Variants in GPHN observed in about 807,000 individuals in gnomAD.
The protein encoded by GPHN is gephyrin.
A neutral mutation model predicts 95.5 loss-of-function variants in GPHN; 17 were observed. The ratio of observed to expected loss-of-function variants is 0.18; its 90% confidence interval spans 0.12 to 0.27. The LOEUF (loss-of-function observed/expected upper bound fraction) is 0.27. Among genes scored for constraint, GPHN ranks in the 10% least tolerant of loss-of-function variants. The pLI is 1.00. For synonymous variants in GPHN, 320 were observed against 322.5 expected (o/e 0.99, Z 0.08); for missense variants, 660 against 978.1 (o/e 0.67, Z 4.34).
intron 3 of GPHN, among the ~76,000 whole-genome samples, chr14:66,800,401 G>T (rs1251524497): frequency 1.3e-5 from 2 of 152,000 alleles, no homozygotes; most frequent in Non-Finnish European, 2.9e-5. Flanking sequence ...AAATCCCTCA[G>T]CTTTTGTTGG....
the GPHN span, chr14:67,412,093 C>A: frequency 2.7e-6 from 4 of 1,489,366 alleles, no homozygotes; most frequent in Non-Finnish European, 3.6e-6. Flanking sequence ...ACCCCAGGTG[C>A]GCCTTCCCCG....
intron 1 of GPHN, among the ~76,000 whole-genome samples, chr14:66,558,130 C>G (rs566743157): frequency 4.7e-4 from 72 of 152,102 alleles, no homozygotes; most frequent in African/African-American, 1.7e-3. Context: ...TAAAACAAAA[C>G]TCCTAAATCA....
the GPHN span, among the ~76,000 whole-genome samples, chr14:67,625,943 T>C: frequency 1.3e-5 from 2 of 152,064 alleles, no homozygotes; most frequent in Non-Finnish European, 2.9e-5. Flanking sequence ...ACATTAGTCA[T>C]TACGGAAATG....
intron 4 of GPHN, among the ~76,000 whole-genome samples, chr14:66,874,146 G>A (rs1223993557): frequency 6.6e-6 from 1 of 152,212 alleles, no homozygotes; most frequent in East Asian, 1.9e-4. Flanking sequence ...AACTCCAGCA[G>A]ACCTGCAGCA....
intron 4 of GPHN, among the ~76,000 whole-genome samples, chr14:66,878,505 T>G (rs1048229183): frequency 6.6e-6 from 1 of 151,896 alleles, no homozygotes; most frequent in Non-Finnish European, 1.5e-5. Flanking sequence ...ATAAAGAACT[T>G]AAACAAATTT....
intron 4 of GPHN, among the ~76,000 whole-genome samples, chr14:66,849,321 T>C (rs1167450258): frequency 1.3e-5 from 2 of 152,020 alleles, no homozygotes; most frequent in East Asian, 3.8e-4. Context: ...ATTAAACATT[T>C]AGGTTCTTTC....
the GPHN span, chr14:67,590,100 C>A: frequency 6.4e-7 from 1 of 1,550,958 alleles, no homozygotes; most frequent in South Asian, 1.2e-5. Context: ...GTTGATGTGG[C>A]TTTCTGGTGT....
At chr14:67,292,483 T>G in the GPHN span, 5 of 1,470,794 alleles carry the variant, frequency 3.4e-6, no homozygotes, top group Non-Finnish European at 4.7e-6. Context: ...AACAGTTAAT[T>G]TTTGGATACC....
At chr14:67,260,365 T>C in the GPHN span, among the ~76,000 whole-genome samples, 3 of 152,328 alleles carry the variant, frequency 2.0e-5, no homozygotes, top group South Asian at 2.1e-4. Context: ...TAAGTGGTTC[T>C]TTGGTCAAAA....
At chr14:66,587,069 C>T (rs1398564159) in intron 1 of GPHN, among the ~76,000 whole-genome samples, 6 of 151,894 alleles carry the variant, frequency 4.0e-5, no homozygotes, top group African/African-American at 1.5e-4. Flanking sequence ...ACAGGAGATA[C>T]CACAGAAATA....
At chr14:66,578,722 A>G (rs1037405641) in intron 1 of GPHN, among the ~76,000 whole-genome samples, 79 of 151,112 alleles carry the variant, frequency 5.2e-4, no homozygotes, top group African/African-American at 1.9e-3. Flanking sequence ...AACACCAGGA[A>G]CCATAAAGTT....
chr14:66,745,289 G>C (rs970722775), intron 2 of GPHN, among the ~76,000 whole-genome samples: 1 of 151,874 alleles, frequency 6.6e-6, no homozygotes, highest in Non-Finnish European at 1.5e-5. Context: ...TTATATCTCT[G>C]TCTTGCCTTC....
rs112500777 is a variant in GPHN at position 66,720,371 on chromosome 14, C to T, written c.143+39186C>T. Among the ~76,000 whole-genome samples, 1,400 of 152,236 alleles carry T rather than the reference C, an allele frequency of 9.2e-3. 23 individuals carry two copies. Among genetic ancestry groups the T allele is most frequent in the African/African-American group, 0.024 (1,004 of 41,532 alleles). On this transcript the variant is annotated intron_variant, in intron 2 of 22. Transcript: ENST00000478722. The stretch of plus-strand genomic sequence containing the variant: ...GAGTTCGAGACCAGCCTGGCCAACA[C>T]GGCGAAACCCCGTCTCTACTGAAAA...
chr14:67,458,924 G>C, the GPHN span, among the ~76,000 whole-genome samples: 4 of 152,124 alleles, frequency 2.6e-5, no homozygotes, highest in Admixed American at 1.3e-4. Flanking sequence ...TCTTGCTCTT[G>C]TCGCCCAGGG....
the GPHN span, chr14:67,338,781 G>A: frequency 1.3e-6 from 2 of 1,596,462 alleles, no homozygotes; most frequent in African/African-American, 1.4e-5. Context: ...TACAGGTGGG[G>A]GTGGATTTTT....
the GPHN span, among the ~76,000 whole-genome samples, chr14:67,671,598 G>C: frequency 2.0e-5 from 3 of 152,186 alleles, no homozygotes; most frequent in African/African-American, 7.2e-5. Context: ...GCAGGATGGA[G>C]AAAAAGGCTG....
chr14:66,907,022 T>G (rs536072895), intron 5 of GPHN, among the ~76,000 whole-genome samples: 1 of 152,300 alleles, frequency 6.6e-6, no homozygotes, highest in South Asian at 2.1e-4. Context: ...GTCTAGTCAT[T>G]CTATCATATA....
chr14:67,563,408 T>C, the GPHN span, among the ~76,000 whole-genome samples: 1 of 151,928 alleles, frequency 6.6e-6, no homozygotes, highest in Non-Finnish European at 1.5e-5. Context: ...TTTCTTTCTT[T>C]GTTTTTCTTT....
At chr14:67,349,234 T>C in the GPHN span, 1 of 889,670 alleles carries the variant, frequency 1.1e-6, no homozygotes, top group Non-Finnish European at 1.7e-6. Flanking sequence ...TTGATAACTG[T>C]CCTTTTTCCA....
Sources: gnomAD v4.1 joint callset for allele counts (sites outside exome capture counted in the v4.1 genomes callset) on GRCh38, gnomAD v4.1.1 for gene constraint, MANE v1.5 for transcripts, NCBI Gene and HGNC (gene_info 2026-07-23, HGNC 2026-07-21) for gene names.